The following GRIK3 variants were observed in gnomAD, a reference collection of about 807,000 sequenced individuals.
GRIK3 encodes glutamate receptor ionotropic, kainate 3.
Under a neutral mutation model 102.5 loss-of-function variants are expected in GRIK3, and 29 were observed. That is an observed-to-expected ratio of 0.28 (90% CI 0.21 to 0.39). The LOEUF is 0.39. Among genes scored for constraint, GRIK3 ranks in the 10% least tolerant of loss-of-function variants. The pLI, the probability that GRIK3 is intolerant of heterozygous loss-of-function variation, is 1.00. For synonymous variants in GRIK3, 511 were observed against 504.9 expected, an observed-to-expected ratio of 1.01 and a Z score of -0.16; for missense variants, 908 against 1,252.4, an observed-to-expected ratio of 0.73 and a Z score of 4.15.
intron 1 of GRIK3, among the ~76,000 whole-genome samples, chr1:37,002,883 C>T (rs1642492855): frequency 6.6e-6 from 1 of 151,990 alleles, no homozygotes; most frequent in Non-Finnish European, 1.5e-5. Context: ...TCAAGTGATC[C>T]ACCCGCCTTG....
At chr1:37,014,068 G>A (rs759020677) in intron 1 of GRIK3, among the ~76,000 whole-genome samples, 1 of 152,218 alleles carries the variant, frequency 6.6e-6, no homozygotes, top group Non-Finnish European at 1.5e-5. Context: ...CACAAGGCAG[G>A]CTTCTCTCAT....
In GRIK3 at chr1:36,891,953, C is replaced by G. The variant is rs564733952; in HGVS notation, c.116-857G>C. 2.6e-5 allele frequency among the ~76,000 whole-genome samples: 4 copies of G among 152,264 alleles called. No homozygotes were observed. In the East Asian group the frequency reaches 7.7e-4, roughly 29 times the overall value. The stretch of plus-strand genomic sequence containing the variant: ...AGCAAATGAATTCCTTTTACAATAT[C>G]AGCAAAAACATTAAATAACTAATAA... On this transcript the variant is annotated intron_variant, in intron 1 of 15. Transcript: ENST00000373091.
intron 1 of GRIK3, among the ~76,000 whole-genome samples, chr1:36,893,170 T>A (rs927328864): frequency 2.6e-5 from 4 of 152,014 alleles, no homozygotes; most frequent in Admixed American, 1.3e-4. Flanking sequence ...TCAGAAACCA[T>A]AAAAGAAAGT....
At chr1:36,908,480 T>C (rs892224272) in intron 1 of GRIK3, among the ~76,000 whole-genome samples, 1 of 152,190 alleles carries the variant, frequency 6.6e-6, no homozygotes, top group African/African-American at 2.4e-5. Flanking sequence ...GCTCCACCCA[T>C]GCAAGAAGGG....
At position 36,806,894 on chromosome 1, in the gene GRIK3, G is replaced by C. The variant is rs971879439; in HGVS notation, c.2092-568C>G. Among the ~76,000 whole-genome samples the C allele has an allele frequency of 6.6e-6, 1 of 152,162 alleles. No homozygotes were observed. The highest frequency in any genetic ancestry group is 2.4e-5 in the African/African-American group (1 of 41,428). ...CACAGAAACCACTGTGAGGGTGGAG[G>C]GGGAGAGACAGCTGCTCATCGGGGC... is the stretch of plus-strand genomic sequence containing the variant. On this transcript the variant is annotated intron_variant, in intron 13 of 15. Coordinates refer to ENST00000373091, the MANE Select transcript of GRIK3 (RefSeq NM_000831.4). The surrounding 1 kb of genome is among the most constrained non-coding windows in gnomAD (Gnocchi z 4.0).
Position 36,859,925 on chromosome 1 carries a change from C to A in GRIK3, c.879G>T (p.Ser293=), listed in dbSNP as rs142393009. 1.9e-6 allele frequency: 3 copies of A among 1,613,928 alleles called. No individual in the cohort carries two copies. The highest frequency in any genetic ancestry group is 1.3e-5 in the African/African-American group (1 of 75,048). Reference sequence around the variant, plus strand: ...CCATGGACCACTTCTCCACAATGGCCGAGACGTGTGGGTTGTCCACATTGA... The same window carrying A: ...CCATGGACCACTTCTCCACAATGGCAGAGACGTGTGGGTTGTCCACATTGA... The part of the protein sequence containing the change: ...RILNVDNPHV[S]AIVEKWSMER... The change falls in exon 6 of 16, where the codon TCG becomes TCT. Residue 293 remains serine, a synonymous_variant. Transcript: ENST00000373091.
intron 1 of GRIK3, among the ~76,000 whole-genome samples, chr1:36,978,725 C>T (rs920917618): frequency 9.9e-5 from 15 of 152,176 alleles, no homozygotes; most frequent in African/African-American, 2.9e-4. Context: ...CTAACATGCA[C>T]GCCAGGCTAG....
At chr1:36,999,966 C>T (rs1170104161) in intron 1 of GRIK3, among the ~76,000 whole-genome samples, 3 of 152,162 alleles carry the variant, frequency 2.0e-5, no homozygotes, top group Non-Finnish European at 4.4e-5. Context: ...CATTGCACTC[C>T]AGCCTGGGTG....
At chr1:36,848,307 TA>T (rs1410028543) in intron 9 of GRIK3, among the ~76,000 whole-genome samples, 6 of 152,250 alleles carry the variant, frequency 3.9e-5, no homozygotes, top group African/African-American at 1.2e-4. Context: ...TGACTCACCT[TA>T]GCTCATTTAA....
intron 1 of GRIK3, among the ~76,000 whole-genome samples, chr1:36,945,936 A>G (rs1285257154): frequency 6.6e-6 from 1 of 152,126 alleles, no homozygotes; most frequent in African/African-American, 2.4e-5. Context: ...TACGTTCTGG[A>G]GCATCCTGAT....
chr1:36,886,204 T>G (rs905895240), intron 2 of GRIK3, among the ~76,000 whole-genome samples: 7 of 152,084 alleles, frequency 4.6e-5, no homozygotes, highest in African/African-American at 1.7e-4. Context: ...CCCGGCCTCA[T>G]GTGGAGGGAA....
chr1:36,918,375 G>GT (rs552097585), intron 1 of GRIK3, among the ~76,000 whole-genome samples: 29 of 152,182 alleles, frequency 1.9e-4, no homozygotes, highest in Non-Finnish European at 3.8e-4. Flanking sequence ...CATTTTTGCT[G>GT]TATCAGACAG....
At chr1:36,836,878 A>G (rs1024529022) in intron 10 of GRIK3, among the ~76,000 whole-genome samples, 1 of 152,140 alleles carries the variant, frequency 6.6e-6, no homozygotes, top group Non-Finnish European at 1.5e-5. Context: ...GGAGCACTCA[A>G]GGACCCTGCT....
chr1:36,939,187 A>G lies in GRIK3; in HGVS notation c.116-48091T>C, dbSNP rs550204380. The stretch of plus-strand genomic sequence containing the variant: ...CCACCACACAACGCATGGAAGTGAA[A>G]CATGAAAAGCTGATCATGTGCCCCC... On this transcript the variant is annotated intron_variant, in intron 1 of 15. Coordinates refer to ENST00000373091, the MANE Select transcript of GRIK3 (RefSeq NM_000831.4). 3.9e-5 allele frequency among the ~76,000 whole-genome samples: 6 copies of G among 152,360 alleles called. No homozygotes were observed. The South Asian group carries it at 1.2e-3, about 32-fold the overall frequency.
At chr1:36,962,860 G>C (rs989220020) in intron 1 of GRIK3, among the ~76,000 whole-genome samples, 1 of 143,908 alleles carries the variant, frequency 6.9e-6, no homozygotes. Flanking sequence ...CTCCAGCCTG[G>C]GCAACAGAGC....
In GRIK3 at chr1:36,938,752, T is replaced by C. The variant is rs556750290; in HGVS notation, c.116-47656A>G. Among the ~76,000 whole-genome samples the C allele has an allele frequency of 7.9e-5, 12 of 152,320 alleles. No individual in the cohort carries two copies. In the East Asian group the frequency reaches 2.3e-3, roughly 29 times the overall value. On this transcript the variant is annotated intron_variant, in intron 1 of 15. Transcript: ENST00000373091. ...CTTCTTGTACCTGAGCCCAACTCCC[T>C]GACCACAGTGACTGTTGGGGGGTTG...
intron 1 of GRIK3, among the ~76,000 whole-genome samples, chr1:36,894,612 T>C (rs1641153024): frequency 6.6e-6 from 1 of 152,142 alleles, no homozygotes; most frequent in African/African-American, 2.4e-5. Flanking sequence ...ATTGGAGAGA[T>C]AGGTAAATAG....
chr1:36,806,042 CG>C lies in GRIK3; in HGVS notation c.2314+61del. 9.1e-7 allele frequency: 1 copy of C among 1,101,380 alleles called. No homozygotes were observed. Among genetic ancestry groups the C allele is most frequent in the Non-Finnish European group, 1.4e-6 (1 of 731,818 alleles). 68.2% of individuals were successfully genotyped at this position (1,101,380 alleles called of 1,614,324 possible). ...CTGTGAGACGGAGTGTGAGGGGACG[CG>C]GGGGTGGAGCCCTCCCTCTGCCCAC... On this transcript the variant is annotated intron_variant, in intron 14 of 15. Coordinates refer to ENST00000373091, the MANE Select transcript of GRIK3 (RefSeq NM_000831.4). This position sits in a 1 kb window ranked among gnomAD's most constrained non-coding sequence, Gnocchi z 4.0.
intron 10 of GRIK3, among the ~76,000 whole-genome samples, chr1:36,833,699 T>A (rs1373000763): frequency 1.3e-5 from 2 of 152,328 alleles, no homozygotes; most frequent in Non-Finnish European, 2.9e-5. Flanking sequence ...TGGTAGTGTG[T>A]CTTTGATAAC....
Sources: allele counts gnomAD v4.1 joint callset (sites outside exome capture counted in the v4.1 genomes callset), GRCh38; gene constraint gnomAD v4.1.1; non-coding constraint Gnocchi (gnomAD v3.1); transcripts MANE v1.5; gene names NCBI Gene and HGNC (gene_info 2026-07-23, HGNC 2026-07-21).